MYO1D: variants seen among roughly 807,000 people sequenced by gnomAD.
The protein encoded by MYO1D is unconventional myosin-Id.
MYO1D carries 83 observed loss-of-function variants against 122.0 expected under a neutral mutation model. The observed-to-expected ratio is 0.68, with a 90% CI of 0.57 to 0.82. MYO1D has a LOEUF of 0.82. Among genes scored for constraint, MYO1D ranks in the 40% least tolerant of loss-of-function variants. The probability of loss-of-function intolerance (pLI) is 0.00; values close to 1 mark genes in which losing one functional copy is unlikely to be tolerated. For missense variants in MYO1D, 1,157 were observed against 1,269.5 expected (o/e 0.91, Z 1.35); for synonymous variants, 464 against 446.9 (o/e 1.04, Z -0.48).
chr17:32,687,220 A>G (rs1457832718), intron 16 of MYO1D, among the ~76,000 whole-genome samples: 6 of 133,506 alleles, frequency 4.5e-5, no homozygotes, highest in Non-Finnish European at 6.4e-5. Context: ...TTTCTGAGAC[A>G]GAGTCTCACT....
intron 20 of MYO1D, among the ~76,000 whole-genome samples, chr17:32,608,657 C>T (rs889110610): frequency 3.3e-5 from 5 of 152,178 alleles, no homozygotes; most frequent in Non-Finnish European, 5.9e-5. Flanking sequence ...GGCACATATC[C>T]TAGAGAAATA....
intron 19 of MYO1D, among the ~76,000 whole-genome samples, chr17:32,645,845 C>T (rs138335232): frequency 0.086 from 13,077 of 152,086 alleles, 764 homozygotes; most frequent in Non-Finnish European, 0.13. Context: ...GTGATGGGTT[C>T]GAACTTCCTC....
At chr17:32,731,946 C>A (rs1017004619) in intron 14 of MYO1D, among the ~76,000 whole-genome samples, 1 of 152,236 alleles carries the variant, frequency 6.6e-6, no homozygotes, top group Non-Finnish European at 1.5e-5. Context: ...ATGTGCTGCT[C>A]CCAACGTCTG....
chr17:32,553,506 A>G (rs2087040828), intron 21 of MYO1D, among the ~76,000 whole-genome samples: 1 of 152,198 alleles, frequency 6.6e-6, no homozygotes, highest in East Asian at 1.9e-4. Context: ...AGCAGAAAGA[A>G]TCAGCTCCTC....
chr17:32,776,071 A>C, intron 3 of MYO1D, 42 bp from the exon 4 acceptor site: 1 of 1,559,150 alleles, frequency 6.4e-7, no homozygotes, highest in East Asian at 2.3e-5. Flanking sequence ...AAACTTATAG[A>C]GACTAGAATT....
chr17:32,707,413 G>A (rs988659484), intron 16 of MYO1D, among the ~76,000 whole-genome samples: 2 of 152,060 alleles, frequency 1.3e-5, no homozygotes, highest in Non-Finnish European at 2.9e-5. Flanking sequence ...TTGCATTGTG[G>A]GTTGAAATAT....
At chr17:32,700,159 G>C (rs989717484) in intron 16 of MYO1D, among the ~76,000 whole-genome samples, 3 of 152,140 alleles carry the variant, frequency 2.0e-5, no homozygotes, top group Non-Finnish European at 4.4e-5. Context: ...CCAACTTTTT[G>C]GCACCAAGGA....
At chr17:32,735,391 C>G (rs993533295) in intron 14 of MYO1D, among the ~76,000 whole-genome samples, 2 of 152,094 alleles carry the variant, frequency 1.3e-5, no homozygotes, top group Admixed American at 1.3e-4. Flanking sequence ...CTATGCTGGA[C>G]AGGCTGGTCT....
intron 19 of MYO1D, among the ~76,000 whole-genome samples, chr17:32,644,891 T>C (rs2088264997): frequency 6.6e-6 from 1 of 152,256 alleles, no homozygotes; most frequent in Admixed American, 6.5e-5. Flanking sequence ...GTCTTTTAAT[T>C]GGAGCATTTT....
chr17:32,739,927 C>G (rs1398389394), intron 13 of MYO1D, among the ~76,000 whole-genome samples: 1 of 152,198 alleles, frequency 6.6e-6, no homozygotes, highest in Non-Finnish European at 1.5e-5. Context: ...CCCACCATCA[C>G]CAGCAAGCAG....
At chr17:32,766,447 T>C (rs889176705) in intron 7 of MYO1D, among the ~76,000 whole-genome samples, 23 of 152,166 alleles carry the variant, frequency 1.5e-4, no homozygotes, top group Admixed American at 1.3e-4. Context: ...ACTTCTTTAA[T>C]ATACTTTATT....
At chr17:32,843,952 T>C (rs947252781) in intron 1 of MYO1D, among the ~76,000 whole-genome samples, 3 of 151,922 alleles carry the variant, frequency 2.0e-5, no homozygotes, top group African/African-American at 4.8e-5. Context: ...TTATTTTACT[T>C]CTAGGAATCT....
At chr17:32,568,027 G>A (rs919214298) in intron 21 of MYO1D, among the ~76,000 whole-genome samples, 1 of 152,056 alleles carries the variant, frequency 6.6e-6, no homozygotes. Flanking sequence ...CTGCAATAAT[G>A]GTGAGCGGCA....
chr17:32,534,230 G>A (rs1910593343), intron 21 of MYO1D, among the ~76,000 whole-genome samples: 1 of 152,148 alleles, frequency 6.6e-6, no homozygotes, highest in Non-Finnish European at 1.5e-5. Flanking sequence ...GCCGTGGTGT[G>A]ATCATAGCTC....
intron 21 of MYO1D, among the ~76,000 whole-genome samples, chr17:32,543,481 C>T (rs546568195): frequency 3.8e-4 from 57 of 151,406 alleles, no homozygotes; most frequent in Admixed American, 1.8e-3. Flanking sequence ...GAGGCTGAGG[C>T]AGGAGAATGG....
intron 15 of MYO1D, among the ~76,000 whole-genome samples, chr17:32,719,880 A>G (rs749960511): frequency 7.9e-5 from 12 of 152,038 alleles, no homozygotes; most frequent in Non-Finnish European, 1.6e-4. Context: ...GTGTCCTCCA[A>G]CCACAATGGA....
chr17:32,593,559 C>A (rs938973675), intron 21 of MYO1D, among the ~76,000 whole-genome samples: 2 of 152,218 alleles, frequency 1.3e-5, no homozygotes, highest in Middle Eastern at 3.2e-3. Flanking sequence ...GTAAGAGAAT[C>A]TCATTCCACT....
At chr17:32,874,079 C>T (rs2091206101) in intron 1 of MYO1D, among the ~76,000 whole-genome samples, 1 of 152,222 alleles carries the variant, frequency 6.6e-6, no homozygotes, top group South Asian at 2.1e-4. Context: ...CTTTACAAAT[C>T]CTACCCATCC....
At chr17:32,689,899 T>C (rs1351631315) in intron 16 of MYO1D, among the ~76,000 whole-genome samples, 1 of 151,838 alleles carries the variant, frequency 6.6e-6, no homozygotes, top group Non-Finnish European at 1.5e-5. Flanking sequence ...TTAATTTTTG[T>C]ATTTTTAGTA....
Sources: gnomAD v4.1 joint callset for allele counts (sites outside exome capture counted in the v4.1 genomes callset) on GRCh38, gnomAD v4.1.1 for gene constraint, MANE v1.5 for transcripts, NCBI Gene and HGNC (gene_info 2026-07-23, HGNC 2026-07-21) for gene names.